MINDY4: variants seen among roughly 807,000 people sequenced by gnomAD.
MINDY4 encodes MINDY lysine 48 deubiquitinase 4.
A neutral mutation model predicts 87.0 loss-of-function variants in MINDY4; 68 were observed. The ratio of observed to expected loss-of-function variants is 0.78; its 90% confidence interval spans 0.64 to 0.96. MINDY4 has a LOEUF of 0.96. MINDY4 is among the 40% of genes least tolerant of loss of function. The pLI is 0.00. For missense variants in MINDY4, 919 were observed against 928.2 expected, an observed-to-expected ratio of 0.99 and a Z score of 0.13; for synonymous variants, 379 against 363.2, an observed-to-expected ratio of 1.04 and a Z score of -0.50.
At chr7:30,841,523 C>T (rs1043317970) in intron 9 of MINDY4, among the ~76,000 whole-genome samples, 7 of 152,150 alleles carry the variant, frequency 4.6e-5, no homozygotes, top group Middle Eastern at 3.2e-3. Flanking sequence ...GGGCTGGAGG[C>T]GAGGCCTTCT....
At chr7:30,851,254 C>G (rs1789404955) in intron 10 of MINDY4, among the ~76,000 whole-genome samples, 1 of 152,168 alleles carries the variant, frequency 6.6e-6, no homozygotes, top group Non-Finnish European at 1.5e-5. Flanking sequence ...TAGCATATTG[C>G]TTCAGAGAAA....
At chr7:30,779,476 A>G (rs777060718) in intron 2 of MINDY4, 8 of 152,370 alleles carry the variant, frequency 5.3e-5, no homozygotes, top group East Asian at 1.9e-4. Context: ...AGAAAATGAT[A>G]TAGTTCAGCA....
At chr7:30,879,947 A>T (rs35969515) in intron 15 of MINDY4, among the ~76,000 whole-genome samples, 21,375 of 152,136 alleles carry the variant, frequency 0.14, 3,679 homozygotes, top group African/African-American at 0.41. Flanking sequence ...ACAAAAAATA[A>T]TGGCGAATCT....
intron 17 of MINDY4, among the ~76,000 whole-genome samples, chr7:30,889,372 T>G (rs1266329984): frequency 2.0e-5 from 3 of 152,190 alleles, no homozygotes; most frequent in African/African-American, 7.2e-5. Flanking sequence ...CCCAGCCTGC[T>G]TACCTCCAGA....
Position 30,859,027 on chromosome 7 carries a change from C to T in MINDY4, c.1678-230C>T, listed in dbSNP as rs749415332. On this transcript the variant is annotated intron_variant, in intron 12 of 17. Transcript: ENST00000265299. Reference sequence around the variant, plus strand: ...AGGACTCTGAGGTCACTGATGCTCTCTTTGGTGGCCCCTGCATCACCCTCG... The same window carrying T: ...AGGACTCTGAGGTCACTGATGCTCTTTTTGGTGGCCCCTGCATCACCCTCG... The T allele has an allele frequency of 5.2e-5, 37 of 709,610 alleles. No individual in the cohort carries two copies. The Middle Eastern group carries it at 1.1e-3, about 22-fold the overall frequency. The allele number at this position is 709,610 out of a possible 1,614,324, so 44.0% of individuals were successfully genotyped here. A position where few individuals can be genotyped will look rare whatever the true frequency, so the allele number is the denominator to read the frequency against.
intron 4 of MINDY4, 98 bp downstream of exon 4, chr7:30,786,090 AGT>A (rs1787152089): frequency 6.7e-7 from 1 of 1,492,560 alleles, no homozygotes; most frequent in Admixed American, 2.0e-5. Context: ...CCCACAGGGC[AGT>A]CCGAGAAGAG....
At position 30,859,193 on chromosome 7, in the gene MINDY4, G is replaced by A. The variant is rs548725847; in HGVS notation, c.1678-64G>A. The A allele has an allele frequency of 2.5e-5, 36 of 1,465,752 alleles. 2 individuals are homozygous for A. The South Asian group carries it at 3.5e-4, about 14-fold the overall frequency. The allele number at this position is 1,465,752 out of a possible 1,614,324, so 90.8% of individuals were successfully genotyped here. A position where few individuals can be genotyped will look rare whatever the true frequency, so the allele number is the denominator to read the frequency against. On this transcript the variant is annotated intron_variant, in intron 12 of 17. Coordinates refer to ENST00000265299, the MANE Select transcript of MINDY4 (RefSeq NM_032222.3). Reference sequence around the variant, plus strand: ...CTCCCTGGGGTGTGGCTCCCACAGAGGTGTGGGGCTGGGAAGAGGGAGGTG... The same window carrying A: ...CTCCCTGGGGTGTGGCTCCCACAGAAGTGTGGGGCTGGGAAGAGGGAGGTG...
intron 5 of MINDY4, among the ~76,000 whole-genome samples, chr7:30,815,880 A>G (rs1433335604): frequency 3.9e-5 from 6 of 152,172 alleles, no homozygotes; most frequent in South Asian, 4.1e-4. Flanking sequence ...GGGAAGAGCA[A>G]TCAGTCCTAA....
chr7:30,842,878 G>T (rs992821724), intron 9 of MINDY4, among the ~76,000 whole-genome samples: 6 of 152,098 alleles, frequency 3.9e-5, no homozygotes, highest in Non-Finnish European at 5.9e-5. Context: ...CTGTGCTCAG[G>T]CGCTGTGCCT....
intron 13 of MINDY4, among the ~76,000 whole-genome samples, chr7:30,869,956 T>A (rs924142038): frequency 1.3e-5 from 2 of 152,182 alleles, no homozygotes; most frequent in Admixed American, 1.3e-4. Flanking sequence ...AGAATTCCCC[T>A]ATTCCCCTAG....
intron 15 of MINDY4, among the ~76,000 whole-genome samples, chr7:30,880,317 C>T (rs1268303226): frequency 4.0e-5 from 6 of 150,736 alleles, no homozygotes; most frequent in East Asian, 2.0e-4. Flanking sequence ...CCCCCACCCC[C>T]GACTGCGGCC....
rs141296837 is a variant in MINDY4, at chr7:30,776,672, T to C, written c.64-1760T>C. 5.9e-3 allele frequency among the ~76,000 whole-genome samples: 900 copies of C among 152,360 alleles called. 8 individuals carry two copies. The highest frequency in any genetic ancestry group is 0.021 in the African/African-American group (855 of 41,578). On this transcript the variant is annotated intron_variant, in intron 1 of 17. Transcript: ENST00000265299. ...ACTGGGACAGGAGTGAGCATGTGGA[T>C]GATGCTGAACAAATAGCTGGCCATC... is the stretch of plus-strand genomic sequence containing the variant.
At chr7:30,824,585 A>AT (rs1788438922) in intron 5 of MINDY4, among the ~76,000 whole-genome samples, 1 of 151,938 alleles carries the variant, frequency 6.6e-6, no homozygotes, top group African/African-American at 2.4e-5. Context: ...CTCAGTTTTT[A>AT]TTTTTTTGCT....
At chr7:30,807,643 C>T (rs1463870146) in intron 5 of MINDY4, among the ~76,000 whole-genome samples, 1 of 152,132 alleles carries the variant, frequency 6.6e-6, no homozygotes, top group African/African-American at 2.4e-5. Context: ...TGGTGCCACA[C>T]CCTGGGCCTG....
chr7:30,830,448 G>A (rs1023077284), intron 6 of MINDY4, among the ~76,000 whole-genome samples: 12 of 152,162 alleles, frequency 7.9e-5, no homozygotes, highest in Non-Finnish European at 2.9e-5. Context: ...AAGGAAAGAG[G>A]TTTAATTGAC....
chr7:30,851,312 C>T (rs1018740798), intron 10 of MINDY4, among the ~76,000 whole-genome samples: 1 of 152,020 alleles, frequency 6.6e-6, no homozygotes, highest in African/African-American at 2.4e-5. Context: ...GGCTGTGTGA[C>T]GTTGGGCAAT....
chr7:30,793,637 T>C (rs1787389830), intron 5 of MINDY4, among the ~76,000 whole-genome samples: 1 of 152,106 alleles, frequency 6.6e-6, no homozygotes, highest in Admixed American at 6.6e-5. Context: ...CCCAGGCTGG[T>C]TGTGAACTCC....
chr7:30,810,879 A>C (rs1787974294), intron 5 of MINDY4, among the ~76,000 whole-genome samples: 1 of 152,194 alleles, frequency 6.6e-6, no homozygotes, highest in Non-Finnish European at 1.5e-5. Context: ...ATTTCTCAGT[A>C]AGAAGGCACC....
chr7:30,789,226 G>A (rs187724531), intron 4 of MINDY4, among the ~76,000 whole-genome samples: 5 of 152,336 alleles, frequency 3.3e-5, no homozygotes. Context: ...ATCATCAAGC[G>A]TGTCCAGTGG....
Sources: gnomAD v4.1 joint callset for allele counts (sites outside exome capture counted in the v4.1 genomes callset) on GRCh38, gnomAD v4.1.1 for gene constraint, MANE v1.5 for transcripts, NCBI Gene and HGNC (gene_info 2026-07-23, HGNC 2026-07-21) for gene names.